Variants in ZBTB20 observed in about 807,000 individuals in gnomAD.
ZBTB20 encodes the protein zinc finger and BTB domain-containing protein 20.
ZBTB20 carries 9 observed loss-of-function variants against 56.9 expected under a neutral mutation model. That is an observed-to-expected ratio of 0.16 (90% CI 0.10 to 0.28). ZBTB20 has a LOEUF of 0.28. Among genes scored for constraint, ZBTB20 ranks in the 10% least tolerant of loss-of-function variants. The pLI is 1.00. For synonymous variants in ZBTB20, 417 were observed against 420.7 expected, an observed-to-expected ratio of 0.99 and a Z score of 0.11; for missense variants, 655 against 1,003.0, an observed-to-expected ratio of 0.65 and a Z score of 4.69.
chr3:115,100,624 AAACAGTTTAAG>A, intron 1 of ZBTB20: 1 of 152,324 alleles, frequency 6.6e-6, no homozygotes, highest in South Asian at 2.1e-4. Context: ...GCTTGCAAAT[AAACAGTTTAAG>A]AGCAGCTGGC....
chr3:114,797,414 G>C (rs2071405576), intron 5 of ZBTB20, among the ~76,000 whole-genome samples: 1 of 151,392 alleles, frequency 6.6e-6, no homozygotes, highest in African/African-American at 2.4e-5. Flanking sequence ...ATGTTCTCCT[G>C]ACTTTCATTT....
At chr3:114,499,129 C>T (rs190412295) in intron 7 of ZBTB20, among the ~76,000 whole-genome samples, 1 of 152,184 alleles carries the variant, frequency 6.6e-6, no homozygotes, top group East Asian at 1.9e-4. Flanking sequence ...TTGACATCCT[C>T]CAAAGCATTT....
chr3:114,498,880 C>T (rs907977434), intron 7 of ZBTB20, among the ~76,000 whole-genome samples: 4 of 152,156 alleles, frequency 2.6e-5, no homozygotes, highest in South Asian at 2.1e-4. Context: ...GTCTGAGGCT[C>T]GCCCTATAGC....
rs1457384817 is a variant in ZBTB20 at position 114,336,811 on chromosome 3, T to G, written c.*2194A>C. The G allele has an allele frequency of 1.3e-5, 2 of 152,262 alleles. No homozygotes were observed. The highest frequency in any genetic ancestry group is 2.9e-5 in the Non-Finnish European group (2 of 68,038). The allele number at this position is 152,262 out of a possible 1,614,324, so 9.4% of individuals were successfully genotyped here. ...GTAATTTTGAAACTAAAATACGCTC[T>G]CCTTTCTTCTTTTTAAAACTGTAGT... On this transcript the variant is annotated 3_prime_UTR_variant, in exon 12 of 12. Coordinates refer to ENST00000675478, the MANE Select transcript of ZBTB20 (RefSeq NM_001348800.3).
At chr3:114,577,976 T>C (rs1211316531) in intron 6 of ZBTB20, among the ~76,000 whole-genome samples, 2 of 152,106 alleles carry the variant, frequency 1.3e-5, no homozygotes, top group African/African-American at 4.8e-5. Context: ...AAATCAATAA[T>C]TGTAACATTC....
chr3:114,988,723 TAA>T (rs541790222), intron 2 of ZBTB20, among the ~76,000 whole-genome samples: 339 of 152,302 alleles, frequency 2.2e-3, no homozygotes, highest in African/African-American at 7.7e-3. Context: ...ACCAACAGTG[TAA>T]AAGTGTTCCT....
chr3:114,940,832 T>C (rs1290987455), intron 3 of ZBTB20, among the ~76,000 whole-genome samples: 1 of 146,056 alleles, frequency 6.8e-6, no homozygotes, highest in Non-Finnish European at 1.5e-5. Flanking sequence ...CTATTGCTCC[T>C]CTACTCAACA....
At chr3:114,890,726 G>A (rs2076777061) in intron 4 of ZBTB20, among the ~76,000 whole-genome samples, 1 of 152,050 alleles carries the variant, frequency 6.6e-6, no homozygotes, top group African/African-American at 2.4e-5. Flanking sequence ...TTGTGCACAT[G>A]TACCCTAGAA....
chr3:114,464,001 T>C (rs1180637907), intron 7 of ZBTB20, among the ~76,000 whole-genome samples: 2 of 152,358 alleles, frequency 1.3e-5, no homozygotes, highest in South Asian at 4.1e-4. Context: ...ATTTGAATCT[T>C]TAATTGTGCA....
chr3:114,914,067 G>A (rs548904029), intron 3 of ZBTB20, among the ~76,000 whole-genome samples: 12 of 151,992 alleles, frequency 7.9e-5, no homozygotes, highest in African/African-American at 2.9e-4. Flanking sequence ...TGGGTCTTTT[G>A]TGGTTTCCTA....
chr3:114,472,028 T>A (rs1239767042), intron 7 of ZBTB20, among the ~76,000 whole-genome samples: 1 of 152,120 alleles, frequency 6.6e-6, no homozygotes, highest in Non-Finnish European at 1.5e-5. Flanking sequence ...CTTAGGCGAA[T>A]AGGAGGGCAC....
Position 114,884,670 on chromosome 3 carries a change from G to T in ZBTB20, c.-417+15634C>A, listed in dbSNP as rs185451156. 1.6e-3 allele frequency among the ~76,000 whole-genome samples: 240 copies of T among 152,274 alleles called. 1 individual carries two copies. Among genetic ancestry groups the T allele is most frequent in the African/African-American group, 4.8e-3 (201 of 41,546 alleles). ...GATGAAAGTAGAAATGAGAAAAATA[G>T]ACATCCTGTGCTCACCTCAAATGGA... On this transcript the variant is annotated intron_variant, in intron 4 of 11. Transcript: ENST00000675478.
chr3:114,430,470 C>T, intron 7 of ZBTB20, among the ~76,000 whole-genome samples: 1 of 152,184 alleles, frequency 6.6e-6, no homozygotes, highest in Admixed American at 6.5e-5. Flanking sequence ...CAATGAATGC[C>T]ACTGGCAGTC....
At chr3:115,082,670 T>C (rs2082839278) in intron 1 of ZBTB20, among the ~76,000 whole-genome samples, 1 of 151,960 alleles carries the variant, frequency 6.6e-6, no homozygotes, top group Admixed American at 6.6e-5. Flanking sequence ...ATAACAAAAA[T>C]AGAAAACAAT....
intron 7 of ZBTB20, among the ~76,000 whole-genome samples, chr3:114,429,345 A>G (rs2089950724): frequency 6.6e-6 from 1 of 152,260 alleles, no homozygotes; most frequent in African/African-American, 2.4e-5. Flanking sequence ...GAGAGAAGGC[A>G]TAAACTCTGC....
At chr3:114,455,114 GA>G (rs901965266) in intron 7 of ZBTB20, among the ~76,000 whole-genome samples, 1 of 150,912 alleles carries the variant, frequency 6.6e-6, no homozygotes, top group Non-Finnish European at 1.5e-5. Flanking sequence ...GAGTGTGTGA[GA>G]AAAAGACTGA....
At chr3:115,000,113 A>G (rs893879921) in intron 2 of ZBTB20, among the ~76,000 whole-genome samples, 23 of 151,590 alleles carry the variant, frequency 1.5e-4, no homozygotes, top group African/African-American at 4.6e-4. Context: ...CCATCTGGCA[A>G]TACCATCTAA....
At chr3:114,569,994 A>G (rs192901038) in intron 6 of ZBTB20, among the ~76,000 whole-genome samples, 1 of 151,810 alleles carries the variant, frequency 6.6e-6, no homozygotes, top group East Asian at 1.9e-4. Flanking sequence ...TATTTTAAAC[A>G]AAAGAATATG....
intron 2 of ZBTB20, among the ~76,000 whole-genome samples, chr3:115,045,688 A>G (rs1482919010): frequency 6.6e-6 from 1 of 152,160 alleles, no homozygotes; most frequent in Non-Finnish European, 1.5e-5. Flanking sequence ...AATAAGAGAG[A>G]AAGAGAATAT....
Sources: gnomAD v4.1 joint callset for allele counts (sites outside exome capture counted in the v4.1 genomes callset) on GRCh38, gnomAD v4.1.1 for gene constraint, MANE v1.5 for transcripts, NCBI Gene and HGNC (gene_info 2026-07-23, HGNC 2026-07-21) for gene names.